Variants in HEPACAM2 observed in about 807,000 individuals in gnomAD.
HEPACAM2 encodes mitotic kinetics regulator.
A neutral mutation model predicts 49.6 loss-of-function variants in HEPACAM2; 49 were observed. That is an observed-to-expected ratio of 0.99 (90% CI 0.78 to 1.25). The LOEUF (loss-of-function observed/expected upper bound fraction) is 1.25. HEPACAM2 is among the 50% of genes most tolerant of loss of function. The pLI is 0.00. For missense variants in HEPACAM2, 525 were observed against 557.2 expected, an observed-to-expected ratio of 0.94 and a Z score of 0.58; for synonymous variants, 197 against 202.9, an observed-to-expected ratio of 0.97 and a Z score of 0.25.
Position 93,208,650 on chromosome 7 carries a change from C to A in HEPACAM2, c.942G>T (p.Val314=). 6.2e-7 allele frequency: 1 copy of A among 1,613,206 alleles called. No individual in the cohort carries two copies. The change falls in exon 4 of 10, where the codon GTG becomes GTT. Residue 314 remains valine (V), a synonymous_variant. Transcript: ENST00000394468. ...CGGTTATGTTGTTGTAAGCACAGCA[C>A]ACATAGTCCATTGTCTTCTGGGCTA... The part of the protein sequence containing the change: ...EKVAQKTMDY[V]CCAYNNITGR...
chr7:93,189,370 G>T, intron 9 of HEPACAM2, 100 bp from the exon 10 acceptor site: 1 of 712,594 alleles, frequency 1.4e-6, no homozygotes. Flanking sequence ...CAGGGCTACA[G>T]ATTAGAAGAA....
At chr7:93,208,478 C>T (rs73218062) in intron 4 of HEPACAM2, 102 bp downstream of exon 4, 8 of 975,454 alleles carry the variant, frequency 8.2e-6, no homozygotes, top group South Asian at 3.7e-5. Flanking sequence ...ATGAATAATC[C>T]CACAATGATT....
intron 3 of HEPACAM2, among the ~76,000 whole-genome samples, chr7:93,210,800 A>C (rs73712803): frequency 0.021 from 3,137 of 152,016 alleles, 101 homozygotes; most frequent in African/African-American, 0.069. Flanking sequence ...CATTAGGGTA[A>C]CTAATTTTTT....
chr7:93,200,849 T>G (rs1280019036), intron 4 of HEPACAM2, among the ~76,000 whole-genome samples: 1 of 152,138 alleles, frequency 6.6e-6, no homozygotes, highest in East Asian at 1.9e-4. Context: ...AGTTCAGGCT[T>G]GCAGGTGGCT....
chr7:93,208,980 A>C, intron 3 of HEPACAM2, 104 bp from the exon 4 acceptor site: 7 of 977,854 alleles, frequency 7.2e-6, no homozygotes, highest in Non-Finnish European at 1.0e-5. Flanking sequence ...GAAAATTTTC[A>C]TCTTAGAATT....
upstream of HEPACAM2, chr7:93,226,531 C>T: frequency 3.2e-6 from 3 of 945,700 alleles, no homozygotes; most frequent in Admixed American, 5.5e-5. Context: ...AGGTAACAGA[C>T]CCTATCTTGC....
intron 8 of HEPACAM2, among the ~76,000 whole-genome samples, chr7:93,195,187 T>C (rs1222136841): frequency 6.6e-6 from 1 of 152,088 alleles, no homozygotes; most frequent in Non-Finnish European, 1.5e-5. Context: ...ACCCAAGTGA[T>C]GCAGAATGAC....
At chr7:93,217,140 T>C (rs891674134) in intron 2 of HEPACAM2, among the ~76,000 whole-genome samples, 3 of 152,188 alleles carry the variant, frequency 2.0e-5, no homozygotes, top group Admixed American at 1.3e-4. Context: ...TTTATGATAT[T>C]ATGATTTTAA....
intron 3 of HEPACAM2, among the ~76,000 whole-genome samples, chr7:93,209,880 C>T (rs1255903579): frequency 6.6e-6 from 1 of 151,804 alleles, no homozygotes; most frequent in Non-Finnish European, 1.5e-5. Flanking sequence ...ATTTTTACAA[C>T]ATTTTAACAG....
chr7:93,222,445 C>T (rs1040580423), intron 1 of HEPACAM2, among the ~76,000 whole-genome samples: 1 of 151,936 alleles, frequency 6.6e-6, no homozygotes, highest in South Asian at 2.1e-4. Flanking sequence ...TGTTTCATGG[C>T]TCACTCCTGA....
upstream of HEPACAM2, among the ~76,000 whole-genome samples, chr7:93,228,624 T>A (rs1032452224): frequency 1.3e-5 from 2 of 152,228 alleles, no homozygotes; most frequent in African/African-American, 2.4e-5. Flanking sequence ...ATCACACCTG[T>A]AACCCACTGG....
At chr7:93,189,826 A>G (rs1388547627) in intron 9 of HEPACAM2, among the ~76,000 whole-genome samples, 3 of 152,110 alleles carry the variant, frequency 2.0e-5, no homozygotes, top group African/African-American at 7.2e-5. Flanking sequence ...CTTTCCCCAG[A>G]GCTGGCACAT....
At chr7:93,203,051 T>A (rs921208090) in intron 4 of HEPACAM2, among the ~76,000 whole-genome samples, 1 of 152,168 alleles carries the variant, frequency 6.6e-6, no homozygotes, top group Non-Finnish European at 1.5e-5. Context: ...CTCTTGCCTC[T>A]TCCCTTGGCC....
intron 4 of HEPACAM2, among the ~76,000 whole-genome samples, chr7:93,198,114 T>C (rs1584331620): frequency 6.6e-6 from 1 of 152,068 alleles, no homozygotes; most frequent in Middle Eastern, 3.4e-3. Flanking sequence ...TTACCATAAA[T>C]GATGAAAAAA....
intron 1 of HEPACAM2, 83 bp from the exon 2 acceptor site, chr7:93,219,534 A>ATAT (rs747390368): frequency 6.3e-7 from 1 of 1,587,988 alleles, no homozygotes; most frequent in Non-Finnish European, 8.5e-7. Flanking sequence ...GAACCTGATC[A>ATAT]GGTGATAATC....
intron 3 of HEPACAM2, among the ~76,000 whole-genome samples, chr7:93,213,175 C>A (rs1250183001): frequency 6.6e-6 from 1 of 151,842 alleles, no homozygotes; most frequent in Non-Finnish European, 1.5e-5. Context: ...TCCACTGCAG[C>A]ATTGCCATAT....
intron 1 of HEPACAM2, among the ~76,000 whole-genome samples, chr7:93,221,147 A>G (rs1316828304): frequency 6.6e-6 from 1 of 152,150 alleles, no homozygotes; most frequent in African/African-American, 2.4e-5. Context: ...GCTATTGGGA[A>G]TGTTTCACTG....
In HEPACAM2 at chr7:93,222,316, A is replaced by C. The variant is rs75412957; in HGVS notation, c.80-2865T>G. ...AGTTCCTGGTAAGCGACAACAAAAAAAAATAGGCTTAGTACCTGTTATTAC... is the reference window on the plus strand; with the variant it reads ...AGTTCCTGGTAAGCGACAACAAAAACAAATAGGCTTAGTACCTGTTATTAC... On this transcript the variant is annotated intron_variant, in intron 1 of 9. Transcript: ENST00000394468. 4.2e-3 allele frequency among the ~76,000 whole-genome samples: 640 copies of C among 152,312 alleles called. 3 individuals are homozygous for C. The highest frequency in any genetic ancestry group is 0.015 in the African/African-American group (611 of 41,568).
intron 1 of HEPACAM2, among the ~76,000 whole-genome samples, chr7:93,224,435 T>C (rs1021802456): frequency 1.3e-5 from 2 of 152,156 alleles, no homozygotes; most frequent in Admixed American, 1.3e-4. Flanking sequence ...TAAATTATAG[T>C]TCTGTTAAAA....
Sources: allele counts gnomAD v4.1 joint callset (sites outside exome capture counted in the v4.1 genomes callset), GRCh38; gene constraint gnomAD v4.1.1; transcripts MANE v1.5; gene names NCBI Gene and HGNC (gene_info 2026-07-23, HGNC 2026-07-21).